Variants in PCDHGB6 observed in about 807,000 individuals in gnomAD.
PCDHGB6 encodes protocadherin gamma subfamily B, 6.
A neutral mutation model predicts 59.1 loss-of-function variants in PCDHGB6; 51 were observed. The observed-to-expected ratio is 0.86, with a 90% CI of 0.69 to 1.09. The LOEUF (loss-of-function observed/expected upper bound fraction) is 1.09. Among genes scored for constraint, PCDHGB6 ranks in the 50% least tolerant of loss-of-function variants. PCDHGB6 has a pLI of 0.00. For missense variants in PCDHGB6, 1,148 were observed against 1,205.1 expected, an observed-to-expected ratio of 0.95 and a Z score of 0.70; for synonymous variants, 466 against 495.1, an observed-to-expected ratio of 0.94 and a Z score of 0.78.
chr5:141,423,225 C>G (rs763729316), intron 1 of PCDHGB6: 3 of 1,613,686 alleles, frequency 1.9e-6, no homozygotes, highest in Admixed American at 1.7e-5. Context: ...TGGCTGTGGC[C>G]GACAGCATCC....
rs900884760 is a variant in PCDHGB6, at chr5:141,414,031, C to T, written c.2418+3411C>T. ...CAATGGAGAAGTGACATATTCATTC[C>T]GAAAATTACCTGACACGCAATTGTT... On this transcript the variant is annotated intron_variant, in intron 1 of 3. Coordinates refer to ENST00000520790, the MANE Select transcript of PCDHGB6 (RefSeq NM_018926.3). 4 of 1,611,858 alleles carry T rather than the reference C, an allele frequency of 2.5e-6. No homozygotes were observed. The Admixed American group carries it at 6.7e-5, about 27-fold the overall frequency.
At chr5:141,459,568 CAG>C (rs930633590) in intron 1 of PCDHGB6, among the ~76,000 whole-genome samples, 1 of 152,152 alleles carries the variant, frequency 6.6e-6, no homozygotes, top group Non-Finnish European at 1.5e-5. Context: ...TACCCCAAAA[CAG>C]AATTGTTTTG....
chr5:141,509,709 T>C (rs1344120168), intron 3 of PCDHGB6, among the ~76,000 whole-genome samples: 1 of 152,200 alleles, frequency 6.6e-6, no homozygotes, highest in African/African-American at 2.4e-5. Context: ...CTGGAGGTGC[T>C]GTCTGATGTC....
chr5:141,416,478 C>T (rs1186938693), intron 1 of PCDHGB6: 4 of 151,994 alleles, frequency 2.6e-5, no homozygotes, highest in Non-Finnish European at 4.4e-5. Context: ...TACATGTTCC[C>T]GAGAACAGGA....
In PCDHGB6 at chr5:141,431,129, A is replaced by G. The variant is rs771219303; in HGVS notation, c.2418+20509A>G. The G allele has an allele frequency of 7.4e-6, 12 of 1,614,152 alleles. No homozygotes were observed. The Admixed American group carries it at 1.7e-4, about 22-fold the overall frequency. Reference sequence around the variant, plus strand: ...AATATATGGAGTAGAAGTAGAAGTAAGGGACATTAACGACAATGCGCCTTA... The same window carrying G: ...AATATATGGAGTAGAAGTAGAAGTAGGGGACATTAACGACAATGCGCCTTA... On this transcript the variant is annotated intron_variant, in intron 1 of 3. Coordinates refer to ENST00000520790, the MANE Select transcript of PCDHGB6 (RefSeq NM_018926.3). The surrounding 1 kb of genome is among the most constrained non-coding windows in gnomAD (Gnocchi z 4.8).
chr5:141,493,560 C>T lies in PCDHGB6; in HGVS notation c.2419-1247C>T, dbSNP rs1222578153. ...TTATCCTTTTGGAGATTGAGTTCCCCCAGCTCCGTTTCCTCCTATCACAAT... is the reference window on the plus strand; with the variant it reads ...TTATCCTTTTGGAGATTGAGTTCCCTCAGCTCCGTTTCCTCCTATCACAAT... On this transcript the variant is annotated intron_variant, in intron 1 of 3. Transcript: ENST00000520790. The surrounding 1 kb of genome is among the most constrained non-coding windows in gnomAD (Gnocchi z 4.3). Among the ~76,000 whole-genome samples, 4 of 152,162 alleles carry T rather than the reference C, an allele frequency of 2.6e-5. No individual in the cohort carries two copies. The highest frequency in any genetic ancestry group is 2.1e-4 in the South Asian group (1 of 4,830).
In PCDHGB6 at chr5:141,432,986, G is replaced by A. The variant is rs2097557714; in HGVS notation, c.2418+22366G>A. ...AGCGCCGGCGTCGCACTTTGTGGGC[G>A]TGGACGGGGTGCAGGCTTTCCTGCA... On this transcript the variant is annotated intron_variant, in intron 1 of 3. Transcript: ENST00000520790. This position sits in a 1 kb window ranked among gnomAD's most constrained non-coding sequence, Gnocchi z 6.0. 6 of 1,614,258 alleles carry A rather than the reference G, an allele frequency of 3.7e-6. No individual in the cohort carries two copies. In the Middle Eastern group the frequency reaches 4.9e-4, roughly 133 times the overall value.
In PCDHGB6 at chr5:141,443,329, A is replaced by AC. The variant is rs58846402; in HGVS notation, c.2418+32710dup. 1.9e-4 allele frequency among the ~76,000 whole-genome samples: 29 copies of AC among 151,590 alleles called. No individual in the cohort carries two copies. In the East Asian group the frequency reaches 4.3e-3, roughly 22 times the overall value. ...AAACCCATCTCTACAAAAAAAAAAA[A>AC]CAAAAATTAACAAGGTTTAGTGGTC... On this transcript the variant is annotated intron_variant, in intron 1 of 3. Coordinates refer to ENST00000520790, the MANE Select transcript of PCDHGB6 (RefSeq NM_018926.3).
At chr5:141,474,745 C>T (rs935430941) in intron 1 of PCDHGB6, among the ~76,000 whole-genome samples, 2 of 152,174 alleles carry the variant, frequency 1.3e-5, no homozygotes, top group East Asian at 3.9e-4. Context: ...AAGTGATGTC[C>T]AAGACAAATA....
chr5:141,416,096 T>C (rs2095991930), intron 1 of PCDHGB6: 1 of 161,152 alleles, frequency 6.2e-6, no homozygotes, highest in South Asian at 2.0e-4. Flanking sequence ...AGAAGGGCAA[T>C]AGGCCTTTTT....
chr5:141,421,812 A>T, intron 1 of PCDHGB6: 1 of 1,613,822 alleles, frequency 6.2e-7, no homozygotes, highest in Non-Finnish European at 8.5e-7. Context: ...ATCCAGAGCT[A>T]GTACTGGAGG....
chr5:141,430,761 T>G, intron 1 of PCDHGB6: 5 of 1,506,132 alleles, frequency 3.3e-6, no homozygotes, highest in Non-Finnish European at 3.5e-6. Context: ...AAGATAAGAA[T>G]GATTCCTGCG....
chr5:141,416,718 G>T lies in PCDHGB6; in HGVS notation c.2418+6098G>T, dbSNP rs1202204760. The T allele has an allele frequency of 5.9e-5, 9 of 152,308 alleles. No homozygotes were observed. In the East Asian group the frequency reaches 1.5e-3, roughly 26 times the overall value. The allele number at this position is 152,308 out of a possible 1,614,324, so 9.4% of individuals were successfully genotyped here. On this transcript the variant is annotated intron_variant, in intron 1 of 3. Transcript: ENST00000520790. ...AAAGGATCATTGGAGGTACTGATGAGTTCATTTAGTTCAATGAAAATAGTG... is the reference window on the plus strand; with the variant it reads ...AAAGGATCATTGGAGGTACTGATGATTTCATTTAGTTCAATGAAAATAGTG...
rs1484954022 is a variant in PCDHGB6 at position 141,511,920 on chromosome 5, T to C, written c.*747T>C. 1 of 156,200 alleles carries C rather than the reference T, an allele frequency of 6.4e-6. No individual in the cohort carries two copies. Among genetic ancestry groups the C allele is most frequent in the Non-Finnish European group, 1.4e-5 (1 of 70,262 alleles). The allele number at this position is 156,200 out of a possible 1,614,324, so 9.7% of individuals were successfully genotyped here. The stretch of plus-strand genomic sequence containing the variant: ...CTCCTCCTCAAACAAGAGACTCCAC[T>C]GCATGTTCCAAGACAGTATGGGGTG... On this transcript the variant is annotated 3_prime_UTR_variant, in exon 4 of 4. Coordinates refer to ENST00000520790, the MANE Select transcript of PCDHGB6 (RefSeq NM_018926.3).
chr5:141,419,220 A>G (rs2096345873), intron 1 of PCDHGB6: 1 of 1,613,966 alleles, frequency 6.2e-7, no homozygotes, highest in Non-Finnish European at 8.5e-7. Context: ...GTTTTCGGAC[A>G]GTCAGCCTAC....
At chr5:141,497,595 A>C (rs973413640) in intron 2 of PCDHGB6, among the ~76,000 whole-genome samples, 1 of 147,414 alleles carries the variant, frequency 6.8e-6, no homozygotes, top group East Asian at 2.0e-4. Context: ...GCTGGAGTGC[A>C]GTGGTGCGAT....
In PCDHGB6 at chr5:141,432,012, A is replaced by G. The variant is rs756906117; in HGVS notation, c.2418+21392A>G. ...TTGGATAGGGAACAGGTTCCTAGCT[A>G]CAACATCACAGTGACCGCCACTGAC... On this transcript the variant is annotated intron_variant, in intron 1 of 3. Transcript: ENST00000520790. The surrounding 1 kb of genome is among the most constrained non-coding windows in gnomAD (Gnocchi z 6.0). The G allele has an allele frequency of 1.1e-5, 18 of 1,614,056 alleles. No homozygotes were observed. The highest frequency in any genetic ancestry group is 1.3e-5 in the Non-Finnish European group (15 of 1,180,008).
chr5:141,435,795 G>A (rs150143106), intron 1 of PCDHGB6, among the ~76,000 whole-genome samples: 16 of 152,032 alleles, frequency 1.1e-4, no homozygotes, highest in Admixed American at 2.0e-4. Flanking sequence ...GAAACATAAC[G>A]TCCCAATTAT....
Position 141,476,758 on chromosome 5 carries a change from G to A in PCDHGB6, c.2419-18049G>A. On this transcript the variant is annotated intron_variant, in intron 1 of 3. Transcript: ENST00000520790. The surrounding 1 kb of genome is among the most constrained non-coding windows in gnomAD (Gnocchi z 7.6). Reference sequence around the variant, plus strand: ...GGGAGCCTAGTCTCCAGTTAGTGCTGACGGCGTTGGACGGAGGGACCCCAG... The same window carrying A: ...GGGAGCCTAGTCTCCAGTTAGTGCTAACGGCGTTGGACGGAGGGACCCCAG... 1 of 1,613,868 alleles carries A rather than the reference G, an allele frequency of 6.2e-7. No homozygotes were observed. The highest frequency in any genetic ancestry group is 1.1e-5 in the South Asian group (1 of 91,086).
Sources: allele counts gnomAD v4.1 joint callset (sites outside exome capture counted in the v4.1 genomes callset), GRCh38; gene constraint gnomAD v4.1.1; non-coding constraint Gnocchi (gnomAD v3.1); transcripts MANE v1.5; gene names NCBI Gene and HGNC (gene_info 2026-07-23, HGNC 2026-07-21).